VPS37A: variants seen among roughly 807,000 people sequenced by gnomAD.
VPS37A encodes the protein vacuolar protein sorting-associated protein 37A.
Under a neutral mutation model 49.8 loss-of-function variants are expected in VPS37A, and 30 were observed. The ratio of observed to expected loss-of-function variants is 0.60; its 90% CI spans 0.45 to 0.82. VPS37A has a LOEUF of 0.82. Ranked by LOEUF, VPS37A falls within the 40% of genes least tolerant of loss-of-function variation. The probability of loss-of-function intolerance (pLI) is 0.00; values close to 1 mark genes in which losing one functional copy is unlikely to be tolerated. For missense variants in VPS37A, 593 were observed against 464.4 expected (o/e 1.28, Z -2.55); for synonymous variants, 195 against 160.6 (o/e 1.21, Z -1.62).
At chr8:17,291,544 C>T (rs983888155) in intron 11 of VPS37A, among the ~76,000 whole-genome samples, 3 of 150,082 alleles carry the variant, frequency 2.0e-5, no homozygotes, top group Non-Finnish European at 4.4e-5. Flanking sequence ...TCTTGCTTCT[C>T]TAATTCTTTT....
the VPS37A span, among the ~76,000 whole-genome samples, chr8:17,315,272 T>C: frequency 6.6e-6 from 1 of 152,186 alleles, no homozygotes; most frequent in Admixed American, 6.5e-5. Flanking sequence ...ATGTCAACTA[T>C]ATGACCTCCT....
At chr8:17,302,184 C>G (rs745671147), downstream of VPS37A, 2 of 1,614,130 alleles carry the variant, frequency 1.2e-6, no homozygotes, top group Non-Finnish European at 1.7e-6. Context: ...CTTCCTCTAG[C>G]TGCTGAGTTT....
intron 1 of VPS37A, among the ~76,000 whole-genome samples, chr8:17,261,529 G>A (rs887082087): frequency 9.2e-5 from 14 of 152,128 alleles, no homozygotes; most frequent in Non-Finnish European, 1.9e-4. Context: ...TGTTTCCTGC[G>A]GATGTGCGTC....
At chr8:17,265,340 T>C (rs1400198894) in intron 1 of VPS37A, among the ~76,000 whole-genome samples, 1 of 152,202 alleles carries the variant, frequency 6.6e-6, no homozygotes, top group East Asian at 1.9e-4. Context: ...TTTAAGTCTA[T>C]AGCAACAACT....
At chr8:17,331,685 C>CTA in the VPS37A span, among the ~76,000 whole-genome samples, 1 of 152,180 alleles carries the variant, frequency 6.6e-6, no homozygotes, top group African/African-American at 2.4e-5. Flanking sequence ...AAATAAGGCT[C>CTA]TATACATTAT....
intron 1 of VPS37A, chr8:17,248,481 G>C (rs1475150156): frequency 7.2e-6 from 3 of 418,962 alleles, no homozygotes; most frequent in Non-Finnish European, 1.5e-5. Context: ...TCACCACATT[G>C]GTCAGGCTGG....
the VPS37A span, among the ~76,000 whole-genome samples, chr8:17,307,706 A>G: frequency 1.3e-5 from 2 of 152,258 alleles, no homozygotes; most frequent in African/African-American, 4.8e-5. Flanking sequence ...TTATGCAGCC[A>G]TAAAAAATGA....
At chr8:17,282,834 T>C (rs1815212921) in intron 9 of VPS37A, among the ~76,000 whole-genome samples, 1 of 152,182 alleles carries the variant, frequency 6.6e-6, no homozygotes, top group Non-Finnish European at 1.5e-5. Context: ...ATGAATCTTC[T>C]GCGCTCTTAC....
At chr8:17,315,331 G>T in the VPS37A span, among the ~76,000 whole-genome samples, 3 of 152,146 alleles carry the variant, frequency 2.0e-5, no homozygotes, top group Non-Finnish European at 2.9e-5. Context: ...GGCTGCCAGG[G>T]GTTAGGGTTG....
chr8:17,299,997 A>G (rs142774879), downstream of VPS37A: 127 of 1,613,990 alleles, frequency 7.9e-5, no homozygotes, highest in Non-Finnish European at 9.6e-5. Flanking sequence ...TGGCTGACAG[A>G]TCTGGATCTG....
rs1815592825 is a variant in VPS37A at position 17,286,417 on chromosome 8, C to G, written c.1184C>G (p.Ala395Gly). 6.2e-7 allele frequency: 1 copy of G among 1,613,620 alleles called. No individual in the cohort carries two copies. The highest frequency in any genetic ancestry group is 8.5e-7 in the Non-Finnish European group (1 of 1,179,696). Residue 395 changes from alanine to glycine, a missense_variant, in exon 11 of 12, where the codon GCT (alanine) becomes GGT (glycine). Ala to Gly is a moderately conservative substitution (Grantham distance 60). Coordinates refer to ENST00000324849, the MANE Select transcript of VPS37A (RefSeq NM_152415.3). ...QAIAMHSQFH[A>G]PL is the part of the protein sequence containing the mutation. ...ATAGCAATGCACAGCCAATTTCATG[C>G]TCCACTATAGGTAAATTGTATTTCA...
chr8:17,264,469 T>C (rs1025389415), intron 1 of VPS37A, among the ~76,000 whole-genome samples: 1 of 152,188 alleles, frequency 6.6e-6, no homozygotes, highest in Admixed American at 6.5e-5. Context: ...AGTGTCCACT[T>C]GAGTCTTTTC....
the VPS37A span, among the ~76,000 whole-genome samples, chr8:17,326,928 G>C: frequency 1.3e-5 from 2 of 152,134 alleles, no homozygotes; most frequent in Non-Finnish European, 2.9e-5. Context: ...CAAGTATTTT[G>C]TAAATAAAGA....
chr8:17,300,364 C>G (rs550792963), downstream of VPS37A: 2 of 913,748 alleles, frequency 2.2e-6, no homozygotes, highest in South Asian at 3.7e-5. Context: ...GAGTTCAAAC[C>G]TGGACTTCAC....
At chr8:17,305,983 T>C, downstream of VPS37A, 2 of 1,553,206 alleles carry the variant, frequency 1.3e-6, no homozygotes, top group South Asian at 1.2e-5. Flanking sequence ...TTAGAGACTT[T>C]TTAAGGCAGA....
intron 1 of VPS37A, chr8:17,248,121 C>T (rs575102618): frequency 2.8e-6 from 1 of 359,162 alleles, no homozygotes; most frequent in East Asian, 7.4e-5. Flanking sequence ...CAGCCTTTTA[C>T]ATTGCAAATG....
At chr8:17,320,069 A>G in the VPS37A span, among the ~76,000 whole-genome samples, 2 of 152,170 alleles carry the variant, frequency 1.3e-5, no homozygotes, top group Non-Finnish European at 2.9e-5. Context: ...TATACTGATA[A>G]TGTTGAAATA....
chr8:17,275,022 A>C, intron 5 of VPS37A, 64 bp downstream of exon 5: 6 of 1,426,266 alleles, frequency 4.2e-6, no homozygotes, highest in Non-Finnish European at 5.9e-6. Context: ...ACACACCTTT[A>C]TTACATGCCT....
At chr8:17,267,010 A>T (rs780202710) in intron 2 of VPS37A, among the ~76,000 whole-genome samples, 2 of 152,022 alleles carry the variant, frequency 1.3e-5, no homozygotes, top group Non-Finnish European at 2.9e-5. Flanking sequence ...TGACCTCGTG[A>T]TACACCCGCC....
Sources: gnomAD v4.1 joint callset for allele counts (sites outside exome capture counted in the v4.1 genomes callset) on GRCh38, gnomAD v4.1.1 for gene constraint, MANE v1.5 for transcripts, NCBI Gene and HGNC (gene_info 2026-07-23, HGNC 2026-07-21) for gene names.